RPA1: variants seen among roughly 807,000 people sequenced by gnomAD.
RPA1 encodes replication protein A 70 kDa DNA-binding subunit.
In RPA1, 49 loss-of-function variants were observed where a neutral mutation model predicts 83.0. The observed-to-expected ratio is 0.59, with a 90% CI of 0.47 to 0.75. The LOEUF is 0.75. Among genes scored for constraint, RPA1 ranks in the 30% least tolerant of loss-of-function variants. The pLI is 0.00. For missense variants in RPA1, 693 were observed against 776.1 expected (o/e 0.89, Z 1.27); for synonymous variants, 279 against 281.8 (o/e 0.99, Z 0.10).
intron 5 of RPA1, among the ~76,000 whole-genome samples, chr17:1,864,218 C>A (rs1434937342): frequency 6.6e-6 from 1 of 152,202 alleles, no homozygotes; most frequent in South Asian, 2.1e-4. Context: ...CACTGAAGTA[C>A]ACTAATTCAC....
intron 5 of RPA1, among the ~76,000 whole-genome samples, chr17:1,866,097 C>T (rs1244169717): frequency 6.6e-6 from 1 of 151,942 alleles, no homozygotes; most frequent in Non-Finnish European, 1.5e-5. Flanking sequence ...AGAAAATTAG[C>T]CAGGCGTGGT....
rs1913676524 is a variant in RPA1, at chr17:1,879,130, A to AG, written c.759+73dup. On this transcript the variant is annotated intron_variant, in intron 9 of 16. Transcript: ENST00000254719. ...AGTGCGGATGAAAAGACGCTGGCCCAGGGGAGGGGTGTGTGGTGGCAGACT... is the reference window on the plus strand; with the variant it reads ...AGTGCGGATGAAAAGACGCTGGCCCAGGGGGAGGGGTGTGTGGTGGCAGACT... 1.4e-5 allele frequency: 22 copies of AG among 1,610,810 alleles called. 1 individual carries two copies. In the Middle Eastern group the frequency reaches 6.6e-4, roughly 48 times the overall value.
intron 5 of RPA1, among the ~76,000 whole-genome samples, chr17:1,867,546 AAAAC>A (rs1567815662): frequency 6.6e-6 from 1 of 151,702 alleles, no homozygotes; most frequent in Non-Finnish European, 1.5e-5. Context: ...GTCTCTACAG[AAAAC>A]AAACAAAAAA....
At chr17:1,830,226 GAACGC>G in intron 1 of RPA1, 100 bp downstream of exon 1, 2 of 599,856 alleles carry the variant, frequency 3.3e-6, no homozygotes, top group East Asian at 5.2e-5. Context: ...GACGGGGGAT[GAACGC>G]GAGGGGAGGA....
At chr17:1,863,604 C>T (rs966748222) in intron 5 of RPA1, among the ~76,000 whole-genome samples, 4 of 152,252 alleles carry the variant, frequency 2.6e-5, no homozygotes, top group African/African-American at 9.6e-5. Flanking sequence ...ATCCACCTGC[C>T]TCGGTCTCCC....
intron 12 of RPA1, 100 bp downstream of exon 12, chr17:1,880,791 G>T: frequency 6.7e-7 from 1 of 1,484,206 alleles, no homozygotes. Flanking sequence ...AGAAGCCTTC[G>T]TCCCTGAGTG....
chr17:1,838,603 C>CAAA (rs60835355), intron 1 of RPA1, among the ~76,000 whole-genome samples: 2 of 110,778 alleles, frequency 1.8e-5, no homozygotes, highest in African/African-American at 3.2e-5. Flanking sequence ...AACTCAGTCT[C>CAAA]AAAAAAAAAA....
At position 1,880,537 on chromosome 17, in the gene RPA1, T is replaced by C. The variant is rs199666332; in HGVS notation, c.1093-6T>C. ...CACTTGTATATGTCTGGTGTTTCTT[T>C]TACAGGCTGATAAATTTGATGGTTC... On this transcript the variant is annotated splice_polypyrimidine_tract_variant and splice_region_variant and intron_variant, in intron 11 of 16. Transcript: ENST00000254719. 1 of 1,613,118 alleles carries C rather than the reference T, an allele frequency of 6.2e-7. No individual in the cohort carries two copies. The highest frequency in any genetic ancestry group is 1.7e-5 in the Admixed American group (1 of 59,978).
intron 2 of RPA1, among the ~76,000 whole-genome samples, chr17:1,843,191 A>G (rs982839212): frequency 6.6e-6 from 1 of 151,224 alleles, no homozygotes; most frequent in African/African-American, 2.4e-5. Context: ...CTCCAGAAAT[A>G]TATCTAGTAT....
At chr17:1,857,706 T>C (rs2151277219) in intron 5 of RPA1, among the ~76,000 whole-genome samples, 1 of 134,524 alleles carries the variant, frequency 7.4e-6, no homozygotes, top group East Asian at 2.2e-4. Flanking sequence ...TTGTTTCCAC[T>C]GTCTCAGGAA....
chr17:1,851,187 AAG>A (rs1912481619), intron 4 of RPA1, among the ~76,000 whole-genome samples: 1 of 152,186 alleles, frequency 6.6e-6, no homozygotes, highest in Admixed American at 6.5e-5. Flanking sequence ...AACTCTTAAA[AAG>A]ACACTATCCC....
In RPA1 at chr17:1,853,181, A is replaced by G. The variant is rs1488143769; in HGVS notation, c.353A>G (p.Tyr118Cys). 9 of 1,613,546 alleles carry G rather than the reference A, an allele frequency of 5.6e-6. No homozygotes were observed. The highest frequency in any genetic ancestry group is 1.3e-5 in the African/African-American group (1 of 74,924). Residue 118 changes from tyrosine (Y) to cysteine (C), a missense_variant, in exon 5 of 17, where the codon TAT (tyrosine) becomes TGT (cysteine). Physicochemically the swap from Tyr to Cys is radical, Grantham distance 194. Coordinates refer to ENST00000254719, the MANE Select transcript of RPA1 (RefSeq NM_002945.5). Reference protein sequence around the residue: ...VGVKIGNPVPYNEGLGQPQVA... With the variant: ...VGVKIGNPVPCNEGLGQPQVA... ...GTGAAGATTGGCAATCCAGTGCCCT[A>G]TAATGAAGGTAAAATGCTTTGGCGT...
In RPA1 at chr17:1,879,561, C is replaced by T. The variant is rs752795829; in HGVS notation, c.954C>T (p.Asp318=). Residue 318 remains aspartate, a splice_region_variant and synonymous_variant, in exon 11 of 17, where the codon GAC becomes GAT. Coordinates refer to ENST00000254719, the MANE Select transcript of RPA1 (RefSeq NM_002945.5). ...LENKSKDSLV[D]IIGICKSYED... ...TGCTAACACGTGCATGTGTTTTAGACATCATCGGGATCTGCAAGAGCTATG... is the reference window on the plus strand; with the variant it reads ...TGCTAACACGTGCATGTGTTTTAGATATCATCGGGATCTGCAAGAGCTATG... 6.2e-7 allele frequency: 1 copy of T among 1,614,192 alleles called. No individual in the cohort carries two copies. The highest frequency in any genetic ancestry group is 1.1e-5 in the South Asian group (1 of 91,084).
rs17292070 is a variant in RPA1 at position 1,875,646 on chromosome 17, C to A, written c.455-15C>A. ...AATAGTAATAACTCCTTTTCGTTTGCGTTTGTTTTTAAAGGTTCTACTGTT... is the reference window on the plus strand; with the variant it reads ...AATAGTAATAACTCCTTTTCGTTTGAGTTTGTTTTTAAAGGTTCTACTGTT... On this transcript the variant is annotated splice_polypyrimidine_tract_variant and intron_variant, in intron 6 of 16. Transcript: ENST00000254719. The A allele has an allele frequency of 2.5e-5, 40 of 1,604,220 alleles. No individual in the cohort carries two copies. Among genetic ancestry groups the A allele is most frequent in the Non-Finnish European group, 3.3e-5 (39 of 1,176,294 alleles).
At chr17:1,872,051 G>T (rs1173221533) in intron 5 of RPA1, 2 of 212,356 alleles carry the variant, frequency 9.4e-6, no homozygotes, top group African/African-American at 2.3e-5. Context: ...TGATCCTGCC[G>T]TGAACACACG....
chr17:1,874,012 A>AAAAAAAAAAAAT (rs1555592994), intron 6 of RPA1, among the ~76,000 whole-genome samples: 8 of 93,836 alleles, frequency 8.5e-5, no homozygotes, highest in African/African-American at 3.6e-4. Flanking sequence ...AAAAAAAAAA[A>AAAAAAAAAAAAT]ATATATATAT....
chr17:1,879,151 AG>A (rs1441785573), intron 9 of RPA1, 63 bp from the exon 10 acceptor site: 25 of 1,608,582 alleles, frequency 1.6e-5, no homozygotes, highest in Non-Finnish European at 2.0e-5. Context: ...GTGTGGTGGC[AG>A]ACTAGGGGTT....
At chr17:1,837,811 C>G (rs946647484) in intron 1 of RPA1, among the ~76,000 whole-genome samples, 2 of 152,122 alleles carry the variant, frequency 1.3e-5, no homozygotes, top group Non-Finnish European at 2.9e-5. Flanking sequence ...TTGATTCTTG[C>G]TAGGTCTTTT....
chr17:1,845,803 G>A (rs1476542434), intron 4 of RPA1, among the ~76,000 whole-genome samples: 5 of 152,106 alleles, frequency 3.3e-5, no homozygotes, highest in South Asian at 4.1e-4. Flanking sequence ...GTTATGACAT[G>A]TGCCTGTGGT....
Sources: gnomAD v4.1 joint callset for allele counts (sites outside exome capture counted in the v4.1 genomes callset) on GRCh38, gnomAD v4.1.1 for gene constraint, MANE v1.5 for transcripts, NCBI Gene and HGNC (gene_info 2026-07-23, HGNC 2026-07-21) for gene names.